RSPRY1: variants seen among roughly 807,000 people sequenced by gnomAD.
RSPRY1 encodes RING finger and SPRY domain-containing protein 1.
In RSPRY1, 23 loss-of-function variants were observed where a neutral mutation model predicts 73.1. The ratio of observed to expected loss-of-function variants is 0.31; its 90% CI spans 0.23 to 0.45. RSPRY1 has a LOEUF of 0.45. Among genes scored for constraint, RSPRY1 ranks in the 20% least tolerant of loss-of-function variants. RSPRY1 has a pLI of 1.00. For synonymous variants in RSPRY1, 226 were observed against 251.4 expected (o/e 0.90, Z 0.95); for missense variants, 448 against 698.7 (o/e 0.64, Z 4.05).
intron 11 of RSPRY1, among the ~76,000 whole-genome samples, chr16:57,228,691 TTTA>T (rs1388434845): frequency 6.6e-6 from 1 of 152,184 alleles, no homozygotes; most frequent in African/African-American, 2.4e-5. Flanking sequence ...AACATTACTT[TTTA>T]TTGTTGCTGT....
chr16:57,194,487 CAT>C, intron 1 of RSPRY1, among the ~76,000 whole-genome samples: 1 of 152,094 alleles, frequency 6.6e-6, no homozygotes, highest in African/African-American at 2.4e-5. Flanking sequence ...AATCCGAAAA[CAT>C]TTTCTAATGA....
At chr16:57,200,863 G>A (rs1175389049) in intron 1 of RSPRY1, among the ~76,000 whole-genome samples, 1 of 143,466 alleles carries the variant, frequency 7.0e-6, no homozygotes, top group Non-Finnish European at 1.5e-5. Context: ...GGACGGGGCG[G>A]CTGGCCGGGC....
chr16:57,233,221 T>C (rs1444471180), intron 13 of RSPRY1, among the ~76,000 whole-genome samples: 1 of 152,216 alleles, frequency 6.6e-6, no homozygotes, highest in Non-Finnish European at 1.5e-5. Context: ...TTCATTCTTT[T>C]TTTCTTTAAC....
chr16:57,220,596 G>A (rs1337896258), intron 8 of RSPRY1, 136 bp from the exon 9 acceptor site: 8 of 514,080 alleles, frequency 1.6e-5, no homozygotes, highest in Non-Finnish European at 2.8e-5. Flanking sequence ...CCACAAACAT[G>A]GATAATTTGA....
At chr16:57,208,376 T>TTATATA (rs200643065) in intron 3 of RSPRY1, among the ~76,000 whole-genome samples, 3 of 94,356 alleles carry the variant, frequency 3.2e-5, no homozygotes, top group Admixed American at 1.4e-4. Flanking sequence ...AGGAGATTAT[T>TTATATA]TATATATATA....
chr16:57,192,472 G>T (rs1295017429), intron 1 of RSPRY1, among the ~76,000 whole-genome samples: 1 of 152,020 alleles, frequency 6.6e-6, no homozygotes, highest in Non-Finnish European at 1.5e-5. Flanking sequence ...AAGATTTCAG[G>T]CAGGGATTAT....
At position 57,220,679 on chromosome 16, in the gene RSPRY1, TC is replaced by T; in HGVS notation, c.902-52del. ...ATTGCTGTAGCTGGCACTAGCTTCT[TC>T]TTTTCTCCACAGCAGCCTGCCTTAG... is the stretch of plus-strand genomic sequence containing the variant. On this transcript the variant is annotated intron_variant, in intron 8 of 14. Transcript: ENST00000394420. The T allele has an allele frequency of 4.1e-6, 5 of 1,223,580 alleles. No homozygotes were observed. In the South Asian group the frequency reaches 6.1e-5, roughly 15 times the overall value. 75.8% of individuals were successfully genotyped at this position (1,223,580 alleles called of 1,614,324 possible).
At chr16:57,207,981 A>T in intron 2 of RSPRY1, 77 bp from the exon 3 acceptor site, 1 of 871,694 alleles carries the variant, frequency 1.1e-6, no homozygotes, top group African/African-American at 1.7e-5. Flanking sequence ...TTACCTCCAC[A>T]CCTCCAGTTT....
intron 1 of RSPRY1, among the ~76,000 whole-genome samples, chr16:57,198,901 C>A (rs2074504561): frequency 6.6e-6 from 1 of 152,150 alleles, no homozygotes. Context: ...GTCCTAGGAC[C>A]CTTACCACTG....
chr16:57,234,441 A>T (rs1440861493), intron 13 of RSPRY1, among the ~76,000 whole-genome samples: 1 of 152,182 alleles, frequency 6.6e-6, no homozygotes, highest in East Asian at 1.9e-4. Context: ...GTCTTCCCCT[A>T]CTGGAGCATA....
chr16:57,213,512 A>G (rs2074884030), intron 5 of RSPRY1, among the ~76,000 whole-genome samples: 1 of 152,264 alleles, frequency 6.6e-6, no homozygotes, highest in Non-Finnish European at 1.5e-5. Context: ...TGGTTGGAGC[A>G]GTTCCTGAGA....
At chr16:57,193,491 C>T (rs1242838888) in intron 1 of RSPRY1, among the ~76,000 whole-genome samples, 4 of 142,298 alleles carry the variant, frequency 2.8e-5, no homozygotes, top group Admixed American at 1.4e-4. Context: ...GTTCTGCAGG[C>T]TTTTTTTTTT....
chr16:57,187,263 G>A (rs2146118577), intron 1 of RSPRY1, among the ~76,000 whole-genome samples: 1 of 152,268 alleles, frequency 6.6e-6, no homozygotes, highest in Middle Eastern at 3.4e-3. Context: ...CACCCCTTGC[G>A]TGAGTCCAAA....
chr16:57,208,073 C>T lies in RSPRY1; in HGVS notation c.366C>T (p.Pro122=). The T allele has an allele frequency of 6.3e-7, 1 of 1,593,888 alleles. No individual in the cohort carries two copies. The highest frequency in any genetic ancestry group is 1.1e-5 in the South Asian group (1 of 87,622). ...TTTTTTCCAGTGATCAGGAACCTCC[C>T]TATTCAATGATAACATTACACGAAA... ...RTLVDNDQEP[P]YSMITLHEMA... is the part of the protein sequence containing the mutation. Residue 122 remains proline, a synonymous_variant, in exon 3 of 15, where the codon CCC becomes CCT. Coordinates refer to ENST00000394420, the MANE Select transcript of RSPRY1 (RefSeq NM_133368.3).
intron 10 of RSPRY1, among the ~76,000 whole-genome samples, chr16:57,222,381 A>G (rs1450108052): frequency 6.6e-6 from 1 of 152,238 alleles, no homozygotes; most frequent in East Asian, 1.9e-4. Flanking sequence ...GGCACATCCC[A>G]TGGTGACCTA....
At chr16:57,200,670 C>G in intron 1 of RSPRY1, among the ~76,000 whole-genome samples, 1 of 131,488 alleles carries the variant, frequency 7.6e-6, no homozygotes. Flanking sequence ...GGCTGACCCC[C>G]CCACCTCCCT....
chr16:57,205,245 G>A (rs2074702800), intron 2 of RSPRY1: 2 of 507,366 alleles, frequency 3.9e-6, no homozygotes, highest in South Asian at 2.4e-5. Flanking sequence ...CAGAAAACAC[G>A]ATAAAGCTAT....
At chr16:57,209,517 C>G (rs1338690152) in intron 4 of RSPRY1, among the ~76,000 whole-genome samples, 2 of 152,118 alleles carry the variant, frequency 1.3e-5, no homozygotes, top group Admixed American at 1.3e-4. Flanking sequence ...GCACCCGCCA[C>G]CACACCTGGC....
intron 10 of RSPRY1, among the ~76,000 whole-genome samples, chr16:57,223,038 A>G (rs1463945605): frequency 6.6e-6 from 1 of 152,198 alleles, no homozygotes; most frequent in Non-Finnish European, 1.5e-5. Flanking sequence ...TGGTTTCTTT[A>G]AAAACAAACA....
Sources: allele counts gnomAD v4.1 joint callset (sites outside exome capture counted in the v4.1 genomes callset), GRCh38; gene constraint gnomAD v4.1.1; transcripts MANE v1.5; gene names NCBI Gene and HGNC (gene_info 2026-07-23, HGNC 2026-07-21).